Variants in SCD5 observed in about 807,000 individuals in gnomAD.
SCD5 encodes the protein acyl-CoA-desaturase 4.
Under a neutral mutation model 30.4 loss-of-function variants are expected in SCD5, and 20 were observed. The ratio of observed to expected loss-of-function variants is 0.66; its 90% CI spans 0.46 to 0.96. SCD5 has a LOEUF of 0.96. Ranked by LOEUF, SCD5 falls within the 40% of genes least tolerant of loss-of-function variation. The pLI, the probability that SCD5 is intolerant of heterozygous loss-of-function variation, is 0.00. For synonymous variants in SCD5, 173 were observed against 176.4 expected (o/e 0.98, Z 0.16); for missense variants, 381 against 443.3 (o/e 0.86, Z 1.26).
At position 82,631,461 on chromosome 4, in the gene SCD5, A is replaced by G. The variant is rs1727290407; in HGVS notation, c.859T>C (p.Phe287Leu). The stretch of plus-strand genomic sequence containing the variant: ...GTGGTTGGGTTAAAATTTAAGCCAA[A>G]TTCACTCGCAGAGTAGTCAAAGGGA... ...TFPFDYSASE[F>L]GLNFNPTTWF... is the part of the protein sequence containing the mutation. The change falls in exon 5 of 5, where the codon TTT (phenylalanine) becomes CTT (leucine). Residue 287 changes from phenylalanine (F) to leucine (L), a missense_variant. Physicochemically the swap from Phe to Leu is conservative, Grantham distance 22 (BLOSUM62 0). Transcript: ENST00000319540. 1.2e-6 allele frequency: 2 copies of G among 1,614,226 alleles called. No individual in the cohort carries two copies. The highest frequency in any genetic ancestry group is 1.7e-6 in the Non-Finnish European group (2 of 1,180,040).
chr4:82,637,391 C>T (rs1005670714), intron 3 of SCD5, among the ~76,000 whole-genome samples: 6 of 152,186 alleles, frequency 3.9e-5, no homozygotes, highest in Non-Finnish European at 7.3e-5. Context: ...CAGGCATGGC[C>T]ACATAGAAAG....
intron 1 of SCD5, among the ~76,000 whole-genome samples, chr4:82,723,573 C>G (rs12500169): frequency 0.073 from 11,094 of 152,146 alleles, 436 homozygotes; most frequent in Admixed American, 0.12. Flanking sequence ...GTTTGATAAG[C>G]GTGATAAAGC....
chr4:82,737,594 C>T (rs1012550165), intron 1 of SCD5, among the ~76,000 whole-genome samples: 1 of 152,142 alleles, frequency 6.6e-6, no homozygotes, highest in Admixed American at 6.6e-5. Context: ...TTTAAGTTCC[C>T]CAGCTCCCTA....
intron 1 of SCD5, among the ~76,000 whole-genome samples, chr4:82,709,427 A>T (rs2148828626): frequency 6.6e-6 from 1 of 152,354 alleles, no homozygotes; most frequent in Middle Eastern, 3.4e-3. Context: ...CTATATAATG[A>T]CAAAGTATGG....
At chr4:82,653,261 C>G (rs1182267133) in intron 3 of SCD5, among the ~76,000 whole-genome samples, 2 of 152,148 alleles carry the variant, frequency 1.3e-5, no homozygotes, top group Non-Finnish European at 2.9e-5. Flanking sequence ...TCTTGGTCCC[C>G]CACACCCTCT....
intron 1 of SCD5, among the ~76,000 whole-genome samples, chr4:82,770,668 C>G (rs1383243335): frequency 6.6e-6 from 1 of 152,230 alleles, no homozygotes; most frequent in Non-Finnish European, 1.5e-5. Flanking sequence ...GCTGCCAGGG[C>G]TCTGCACATG....
chr4:82,773,470 T>C (rs1721673456), intron 1 of SCD5, among the ~76,000 whole-genome samples: 1 of 152,142 alleles, frequency 6.6e-6, no homozygotes, highest in African/African-American at 2.4e-5. Flanking sequence ...CTTCTGCAAG[T>C]GGAGGGGAGG....
intron 1 of SCD5, among the ~76,000 whole-genome samples, chr4:82,786,679 T>C (rs1357702165): frequency 6.6e-6 from 1 of 151,290 alleles, no homozygotes; most frequent in Non-Finnish European, 1.5e-5. Flanking sequence ...GTAGTCCCAG[T>C]TACTGGGGAG....
chr4:82,731,150 A>C (rs1720635873), intron 1 of SCD5, among the ~76,000 whole-genome samples: 1 of 152,204 alleles, frequency 6.6e-6, no homozygotes, highest in Non-Finnish European at 1.5e-5. Context: ...GAGAACGGAA[A>C]GCTGGGGGTA....
intron 2 of SCD5, among the ~76,000 whole-genome samples, chr4:82,696,183 A>T (rs1719691590): frequency 6.6e-6 from 1 of 152,254 alleles, no homozygotes; most frequent in Non-Finnish European, 1.5e-5. Flanking sequence ...TTTTAAAAGC[A>T]AAGCTAGAAA....
chr4:82,765,845 C>G (rs371825655), intron 1 of SCD5, among the ~76,000 whole-genome samples: 25 of 152,282 alleles, frequency 1.6e-4, no homozygotes, highest in African/African-American at 5.5e-4. Flanking sequence ...GTCTCATACT[C>G]CTGGCCTCAA....
chr4:82,786,682 C>T (rs1721994477), intron 1 of SCD5, among the ~76,000 whole-genome samples: 1 of 151,090 alleles, frequency 6.6e-6, no homozygotes, highest in African/African-American at 2.4e-5. Flanking sequence ...GTCCCAGTTA[C>T]TGGGGAGGCT....
intron 3 of SCD5, among the ~76,000 whole-genome samples, chr4:82,661,801 T>C (rs1728013898): frequency 6.6e-6 from 1 of 152,226 alleles, no homozygotes; most frequent in Non-Finnish European, 1.5e-5. Context: ...TATGGAGTCA[T>C]ATGTCCTAGC....
intron 3 of SCD5, among the ~76,000 whole-genome samples, chr4:82,648,058 A>C (rs1307577005): frequency 1.3e-5 from 2 of 152,246 alleles, no homozygotes; most frequent in Admixed American, 6.5e-5. Context: ...AAGTCCACGA[A>C]AAGAGAGTGT....
At chr4:82,642,514 A>G (rs1727565901) in intron 3 of SCD5, among the ~76,000 whole-genome samples, 1 of 152,150 alleles carries the variant, frequency 6.6e-6, no homozygotes, top group African/African-American at 2.4e-5. Context: ...CGTGTCTATG[A>G]CACTCTTCCC....
chr4:82,730,639 G>A (rs1242189439), intron 1 of SCD5, among the ~76,000 whole-genome samples: 19 of 133,960 alleles, frequency 1.4e-4, no homozygotes, highest in Admixed American at 6.3e-4. Flanking sequence ...AGGCTGGAGT[G>A]CAGTGGCGGG....
chr4:82,698,817 C>G (rs1719752555), intron 2 of SCD5, among the ~76,000 whole-genome samples: 1 of 152,220 alleles, frequency 6.6e-6, no homozygotes, highest in African/African-American at 2.4e-5. Context: ...AAAGATGCCC[C>G]ATCTTGGGCC....
chr4:82,737,550 T>A (rs1245586301), intron 1 of SCD5, among the ~76,000 whole-genome samples: 4 of 152,204 alleles, frequency 2.6e-5, no homozygotes, highest in African/African-American at 9.7e-5. Flanking sequence ...CACACTGTAA[T>A]CCCCTCATAA....
intron 2 of SCD5, 38 bp downstream of exon 2, chr4:82,705,245 C>T: frequency 6.2e-7 from 1 of 1,609,976 alleles, no homozygotes; most frequent in Non-Finnish European, 8.5e-7. Flanking sequence ...GCCATCTGCA[C>T]TGGGTCTCCC....
Sources: allele counts gnomAD v4.1 joint callset (sites outside exome capture counted in the v4.1 genomes callset), GRCh38; gene constraint gnomAD v4.1.1; transcripts MANE v1.5; gene names NCBI Gene and HGNC (gene_info 2026-07-23, HGNC 2026-07-21).